CDH12: variants seen among roughly 807,000 people sequenced by gnomAD.
The protein encoded by CDH12 is cadherin-12.
A neutral mutation model predicts 74.1 loss-of-function variants in CDH12; 41 were observed. The ratio of observed to expected loss-of-function variants is 0.55; its 90% CI spans 0.43 to 0.72. CDH12 has a LOEUF of 0.72. Ranked by LOEUF, CDH12 falls within the 30% of genes least tolerant of loss-of-function variation. CDH12 has a pLI of 0.00. For missense variants in CDH12, 945 were observed against 977.2 expected (o/e 0.97, Z 0.44); for synonymous variants, 399 against 355.0 (o/e 1.12, Z -1.39).
At chr5:22,608,406 T>C (rs537392697) in intron 1 of CDH12, among the ~76,000 whole-genome samples, 138 of 152,310 alleles carry the variant, frequency 9.1e-4, no homozygotes, top group Non-Finnish European at 1.7e-3. Flanking sequence ...ACAGGTGCAT[T>C]TACCCAATGC....
At chr5:22,028,213 C>T (rs142267492) in intron 5 of CDH12, among the ~76,000 whole-genome samples, 1,662 of 152,110 alleles carry the variant, frequency 0.011, 31 homozygotes, top group African/African-American at 0.036. Context: ...GACAGGGATG[C>T]CCTCTCTCAC....
chr5:22,194,020 T>G (rs926148554), intron 4 of CDH12, among the ~76,000 whole-genome samples: 22 of 152,118 alleles, frequency 1.4e-4, no homozygotes, highest in South Asian at 4.1e-4. Context: ...TGTTAGAATT[T>G]GGAAATGAAA....
At chr5:22,542,108 C>T (rs559392571) in intron 1 of CDH12, among the ~76,000 whole-genome samples, 1 of 152,226 alleles carries the variant, frequency 6.6e-6, no homozygotes, top group South Asian at 2.1e-4. Context: ...ATGGTATTTT[C>T]CTGGTCATTG....
chr5:22,354,556 C>T (rs942121553), intron 3 of CDH12, among the ~76,000 whole-genome samples: 6 of 152,136 alleles, frequency 3.9e-5, no homozygotes, highest in Non-Finnish European at 8.8e-5. Flanking sequence ...GCTTGAGACG[C>T]CTGGATGCCA....
chr5:22,500,877 A>G (rs542963849), intron 2 of CDH12, among the ~76,000 whole-genome samples: 22 of 152,260 alleles, frequency 1.4e-4, no homozygotes, highest in African/African-American at 5.3e-4. Context: ...TTGTTGTCCC[A>G]TAGACCATAA....
chr5:22,477,048 G>A (rs1458780477), intron 2 of CDH12, among the ~76,000 whole-genome samples: 1 of 152,054 alleles, frequency 6.6e-6, no homozygotes, highest in Non-Finnish European at 1.5e-5. Flanking sequence ...TATCTCAACG[G>A]TTATACACAC....
chr5:22,834,241 C>CT (rs990075365), intron 1 of CDH12, among the ~76,000 whole-genome samples: 1 of 151,976 alleles, frequency 6.6e-6, no homozygotes, highest in Non-Finnish European at 1.5e-5. Context: ...TTTTTCATGT[C>CT]TTATATTTGA....
In CDH12 at chr5:22,635,690, C is replaced by T. The variant is rs142154675; in HGVS notation, c.-522-130326G>A. 4.9e-3 allele frequency among the ~76,000 whole-genome samples: 746 copies of T among 152,096 alleles called. 1 individual carries two copies. Among genetic ancestry groups the T allele is most frequent in the Non-Finnish European group, 7.5e-3 (511 of 67,980 alleles). ...CAGCACTTTAGGAGGCTGAGGCAGG[C>T]GGATCACGAGGTCAGGAGATCGAAA... On this transcript the variant is annotated intron_variant, in intron 1 of 14. Transcript: ENST00000382254.
chr5:22,467,915 T>C (rs1745799989), intron 2 of CDH12, among the ~76,000 whole-genome samples: 1 of 152,232 alleles, frequency 6.6e-6, no homozygotes, highest in Non-Finnish European at 1.5e-5. Flanking sequence ...AAATCATCTG[T>C]AATGATTCAT....
chr5:22,399,931 A>G (rs1161896947), intron 3 of CDH12, among the ~76,000 whole-genome samples: 2 of 152,180 alleles, frequency 1.3e-5, no homozygotes, highest in East Asian at 1.9e-4. Context: ...TTAAAATATA[A>G]TAATATTTGA....
intron 6 of CDH12, among the ~76,000 whole-genome samples, chr5:21,864,318 G>A (rs1262454914): frequency 6.6e-6 from 1 of 152,160 alleles, no homozygotes. Flanking sequence ...TTGCATGTGA[G>A]TCAGTGGATT....
chr5:22,003,968 TTC>T (rs1310175168), intron 5 of CDH12, among the ~76,000 whole-genome samples: 1 of 152,122 alleles, frequency 6.6e-6, no homozygotes, highest in African/African-American at 2.4e-5. Context: ...TTTGTCCCAT[TTC>T]TGTCTCAGCA....
intron 2 of CDH12, among the ~76,000 whole-genome samples, chr5:22,427,729 C>T (rs538310501): frequency 6.6e-4 from 100 of 152,222 alleles, no homozygotes; most frequent in African/African-American, 2.3e-3. Context: ...ATCCATCACA[C>T]TCACATTACA....
At chr5:22,801,649 A>G (rs1748523433) in intron 1 of CDH12, among the ~76,000 whole-genome samples, 1 of 90,612 alleles carries the variant, frequency 1.1e-5, no homozygotes, top group Non-Finnish European at 2.2e-5. Context: ...ATATATATAT[A>G]TATATATATA....
chr5:22,608,351 T>C (rs903805918), intron 1 of CDH12, among the ~76,000 whole-genome samples: 4 of 152,308 alleles, frequency 2.6e-5, no homozygotes, highest in South Asian at 4.1e-4. Flanking sequence ...CAGAATTGGA[T>C]GGGGCCTGTA....
intron 2 of CDH12, among the ~76,000 whole-genome samples, chr5:22,442,262 G>C (rs1414427868): frequency 6.6e-6 from 1 of 152,136 alleles, no homozygotes; most frequent in African/African-American, 2.4e-5. Flanking sequence ...AAACGTAAGA[G>C]ATCTTTTCTC....
chr5:21,784,685 G>A (rs930206422), intron 10 of CDH12, among the ~76,000 whole-genome samples: 4 of 152,144 alleles, frequency 2.6e-5, no homozygotes, highest in African/African-American at 4.8e-5. Flanking sequence ...TGGCATCATT[G>A]TTAGTCAGCC....
At chr5:22,098,728 C>T (rs1226110461) in intron 4 of CDH12, among the ~76,000 whole-genome samples, 1 of 152,126 alleles carries the variant, frequency 6.6e-6, no homozygotes, top group Non-Finnish European at 1.5e-5. Context: ...CACACCTGAC[C>T]CCCATGACTG....
intron 6 of CDH12, among the ~76,000 whole-genome samples, chr5:21,918,896 TC>T (rs1191927044): frequency 6.6e-6 from 1 of 152,198 alleles, no homozygotes. Context: ...TTCCTTATTA[TC>T]AATATCTCTA....
Sources: gnomAD v4.1 joint callset for allele counts (sites outside exome capture counted in the v4.1 genomes callset) on GRCh38, gnomAD v4.1.1 for gene constraint, MANE v1.5 for transcripts, NCBI Gene and HGNC (gene_info 2026-07-23, HGNC 2026-07-21) for gene names.